Variants in TAT observed in about 807,000 individuals in gnomAD.
TAT encodes L-tyrosine:2-oxoglutarate aminotransferase.
In TAT, 35 loss-of-function variants were observed where a neutral mutation model predicts 53.6. The ratio of observed to expected loss-of-function variants is 0.65; its 90% CI spans 0.50 to 0.87. The LOEUF (loss-of-function observed/expected upper bound fraction) is 0.87. Ranked by LOEUF, TAT falls within the 40% of genes least tolerant of loss-of-function variation. The pLI, the probability that TAT is intolerant of heterozygous loss-of-function variation, is 0.00. For synonymous variants in TAT, 197 were observed against 206.5 expected (o/e 0.95, Z 0.39); for missense variants, 525 against 571.8 (o/e 0.92, Z 0.83).
chr16:71,568,960 A>T, intron 10 of TAT, 151 bp from the exon 11 acceptor site: 5 of 691,660 alleles, frequency 7.2e-6, no homozygotes, highest in Non-Finnish European at 1.3e-5. Flanking sequence ...TATTTATGGA[A>T]TTTTTCTCAG....
At position 71,568,816 on chromosome 16, in the gene TAT, C is replaced by T. The variant is rs748032335; in HGVS notation, c.1126-7G>A. On this transcript the variant is annotated splice_region_variant and splice_polypyrimidine_tract_variant and intron_variant, in intron 10 of 11. Coordinates refer to ENST00000355962, the MANE Select transcript of TAT (RefSeq NM_000353.3). ...GTTCCATCTCAATTCCAACCTATAC[C>T]AACAGGAGGGAGAGGCCAACTTATC... The T allele has an allele frequency of 1.9e-6, 3 of 1,611,650 alleles. No homozygotes were observed. In the South Asian group the frequency reaches 3.3e-5, roughly 18 times the overall value.
intron 4 of TAT, among the ~76,000 whole-genome samples, chr16:71,572,905 G>T (rs1255033497): frequency 2.6e-5 from 4 of 152,198 alleles, no homozygotes; most frequent in African/African-American, 4.8e-5. Flanking sequence ...GGATAGGTTG[G>T]CTGTGACTCA....
rs1010853548 is a variant in TAT at position 71,567,147 on chromosome 16, G to C, written c.*997C>G. On this transcript the variant is annotated 3_prime_UTR_variant, in exon 12 of 12. Coordinates refer to ENST00000355962, the MANE Select transcript of TAT (RefSeq NM_000353.3). ...GATGCCGCTGGGCGAGGTGGCTCAC[G>C]CCTGTAATCCCAGTACTTTAGGAGA... The C allele has an allele frequency of 1.3e-5, 2 of 152,196 alleles. No individual in the cohort carries two copies. The highest frequency in any genetic ancestry group is 1.3e-4 in the Admixed American group (2 of 15,280). 9.4% of individuals were successfully genotyped at this position (152,196 alleles called of 1,614,324 possible).
chr16:71,574,671 C>A (rs2044225180), intron 3 of TAT, among the ~76,000 whole-genome samples: 1 of 146,556 alleles, frequency 6.8e-6, no homozygotes, highest in Non-Finnish European at 1.5e-5. Flanking sequence ...ATGTAATATT[C>A]TTATCAGTAT....
In TAT at chr16:71,576,436, G is replaced by T; in HGVS notation, c.-12-9C>A. On this transcript the variant is annotated splice_polypyrimidine_tract_variant and intron_variant, in intron 1 of 11. Transcript: ENST00000355962. ...TCCATCACTAGCGAAGCCTGCGAGG[G>T]GAAAGAAGTTCCCTGTGATGTTGAT... The T allele has an allele frequency of 1.2e-6, 2 of 1,610,634 alleles. No individual in the cohort carries two copies. Among genetic ancestry groups the T allele is most frequent in the Non-Finnish European group, 1.7e-6 (2 of 1,177,040 alleles).
At chr16:71,568,882 A>G in intron 10 of TAT, 73 bp from the exon 11 acceptor site, 2 of 1,024,164 alleles carry the variant, frequency 2.0e-6, no homozygotes, top group Non-Finnish European at 1.5e-6. Flanking sequence ...GCCAGAAATT[A>G]AGGTAGGGGC....
rs1450958522 is a variant in TAT at position 71,565,963 on chromosome 16, T to A, written c.*2181A>T. ...ATCAGGAATTTAAGAAGTCTAAGAA[T>A]TCTGTAATGCTGGGTAGAATTTTCT... On this transcript the variant is annotated 3_prime_UTR_variant, in exon 12 of 12. Coordinates refer to ENST00000355962, the MANE Select transcript of TAT (RefSeq NM_000353.3). 1.3e-5 allele frequency: 2 copies of A among 152,186 alleles called. No individual in the cohort carries two copies. Among genetic ancestry groups the A allele is most frequent in the African/African-American group, 2.4e-5 (1 of 41,430 alleles). 9.4% of individuals were successfully genotyped at this position (152,186 alleles called of 1,614,324 possible).
At position 71,570,009 on chromosome 16, in the gene TAT, C is replaced by A. The variant is rs172650; in HGVS notation, c.1042-72G>T. 893,179 of 1,433,948 alleles carry A rather than the reference C, an allele frequency of 0.62. 283,841 individuals carry two copies. Among genetic ancestry groups the A allele is most frequent in the Middle Eastern group, 0.74 (4,321 of 5,824 alleles). The allele number at this position is 1,433,948 out of a possible 1,614,324, so 88.8% of individuals were successfully genotyped here. On this transcript the variant is annotated intron_variant, in intron 9 of 11. Coordinates refer to ENST00000355962, the MANE Select transcript of TAT (RefSeq NM_000353.3). ...AGAAAAGCCAAGTCATTAAAAATAG[C>A]CCCCTCATTGAAGAGTGGGAACGTA...
rs1040390607 is a variant in TAT at position 71,570,150 on chromosome 16, G to A, written c.1041+119C>T. 35 of 1,514,050 alleles carry A rather than the reference G, an allele frequency of 2.3e-5. No homozygotes were observed. In the Admixed American group the frequency reaches 2.6e-4, roughly 11 times the overall value. The allele number at this position is 1,514,050 out of a possible 1,614,324, so 93.8% of individuals were successfully genotyped here. Reference sequence around the variant, plus strand: ...AAACGTGTGTGTGGATGCTTACACCGATGCCGTCTCCTAATATTGGAACAT... The same window carrying A: ...AAACGTGTGTGTGGATGCTTACACCAATGCCGTCTCCTAATATTGGAACAT... On this transcript the variant is annotated intron_variant, in intron 9 of 11. Coordinates refer to ENST00000355962, the MANE Select transcript of TAT (RefSeq NM_000353.3).
At position 71,576,021 on chromosome 16, in the gene TAT, G is replaced by A; in HGVS notation, c.241C>T (p.Pro81Ser). 6.2e-7 allele frequency: 1 copy of A among 1,614,020 alleles called. No individual in the cohort carries two copies. The highest frequency in any genetic ancestry group is 1.1e-5 in the South Asian group (1 of 91,066). ...GTAGGCAGGTTTCCAAACACAGTAG[G>A]GTCCCCTTTTTATGGGAGGAAAACA... ...KTMISLSIGD[P>S]TVFGNLPTDP... Residue 81 changes from proline to serine, a missense_variant, in exon 3 of 12, where the codon CCT becomes TCT. By Grantham distance (74) the Pro-to-Ser change is moderately conservative. Transcript: ENST00000355962.
In TAT at chr16:71,573,545, T is replaced by G; in HGVS notation, c.402A>C (p.Glu134Asp). The G allele has an allele frequency of 6.4e-7, 1 of 1,553,818 alleles. No individual in the cohort carries two copies. The highest frequency in any genetic ancestry group is 1.2e-5 in the South Asian group (1 of 84,160). Residue 134 changes from glutamate to aspartate, a missense_variant, in exon 4 of 12, where the codon GAA becomes GAC. By Grantham distance (45) the Glu-to-Asp change is conservative. Coordinates refer to ENST00000355962, the MANE Select transcript of TAT (RefSeq NM_000353.3). ...TGTCTTGTATAAGGCTCACCTTAGC[T>G]TCTAGGGGTGCCTCAGGACAGTGGT... The part of the protein sequence containing the change: ...SYYHCPEAPL[E>D]AKDVILTSGC...
In TAT at chr16:71,569,843, C is replaced by G; in HGVS notation, c.1125+11G>C. The G allele has an allele frequency of 6.2e-7, 1 of 1,612,792 alleles. No homozygotes were observed. The highest frequency in any genetic ancestry group is 8.5e-7 in the Non-Finnish European group (1 of 1,179,442). On this transcript the variant is annotated intron_variant, in intron 10 of 11. Coordinates refer to ENST00000355962, the MANE Select transcript of TAT (RefSeq NM_000353.3). ...ATGCATTGACCTAGTGCCTGCCACC[C>G]ACATACTCACCATGAGGTACATAGC...
Position 71,570,755 on chromosome 16 carries a change from G to C in TAT, c.836C>G (p.Ala279Gly), listed in dbSNP as rs181309650. 28 of 1,614,186 alleles carry C rather than the reference G, an allele frequency of 1.7e-5. No homozygotes were observed. The African/African-American group carries it at 3.3e-4, about 19-fold the overall frequency. The change falls in exon 8 of 12, where the codon GCC becomes GGC. Residue 279 changes from alanine to glycine, a missense_variant. Coordinates refer to ENST00000355962, the MANE Select transcript of TAT (RefSeq NM_000353.3). ...DVPILSCGGL[A>G]KRWLVPGWRL... is the part of the protein sequence containing the mutation. ...CCAGCCAGGAACCAGCCAGCGCTTG[G>C]CCAGCCCTCCACAGGACAGGATGGG... is the stretch of plus-strand genomic sequence containing the variant.
chr16:71,567,858 T>C lies in TAT; in HGVS notation c.*286A>G. Reference sequence around the variant, plus strand: ...TGCTTTCTGGTAAACTTTGTTCACCTGGTACTTTCAAGAAAAAAAGAAGGA... The same window carrying C: ...TGCTTTCTGGTAAACTTTGTTCACCCGGTACTTTCAAGAAAAAAAGAAGGA... On this transcript the variant is annotated 3_prime_UTR_variant, in exon 12 of 12. Coordinates refer to ENST00000355962, the MANE Select transcript of TAT (RefSeq NM_000353.3). 4.7e-6 allele frequency: 2 copies of C among 429,120 alleles called. No homozygotes were observed. The highest frequency in any genetic ancestry group is 8.7e-6 in the Non-Finnish European group (2 of 230,186). The allele number at this position is 429,120 out of a possible 1,614,324, so 26.6% of individuals were successfully genotyped here. A position where few individuals can be genotyped will look rare whatever the true frequency, so the allele number is the denominator to read the frequency against.
rs1555537258 is a variant in TAT at position 71,565,701 on chromosome 16, G to GCACGCACACA, written c.*2442_*2443insTGTGTGCGTG. The GCACGCACACA allele has an allele frequency of 6.7e-6, 1 of 148,934 alleles. No individual in the cohort carries two copies. Among genetic ancestry groups the GCACGCACACA allele is most frequent in the African/African-American group, 2.5e-5 (1 of 39,956 alleles). The allele number at this position is 148,934 out of a possible 1,614,324, so 9.2% of individuals were successfully genotyped here. A position where few individuals can be genotyped will look rare whatever the true frequency, so the allele number is the denominator to read the frequency against. ...TACTTTATTTGAAAAAATGAAAAGT[G>GCACGCACACA]CACACACACACACACACACACACAC... On this transcript the variant is annotated 3_prime_UTR_variant, in exon 12 of 12. Coordinates refer to ENST00000355962, the MANE Select transcript of TAT (RefSeq NM_000353.3).
rs1336664925 is a variant in TAT, at chr16:71,567,769, G to A, written c.*375C>T. 2.5e-5 allele frequency: 8 copies of A among 319,032 alleles called. No individual in the cohort carries two copies. Among genetic ancestry groups the A allele is most frequent in the African/African-American group, 4.3e-5 (2 of 46,348 alleles). 19.8% of individuals were successfully genotyped at this position (319,032 alleles called of 1,614,324 possible). A position where few individuals can be genotyped will look rare whatever the true frequency, so the allele number is the denominator to read the frequency against. ...TCTTAGAGTCTGAGGAAATGGTTGG[G>A]GGCACAAATTCTCTCAATCTTTTTC... On this transcript the variant is annotated 3_prime_UTR_variant, in exon 12 of 12. Transcript: ENST00000355962.
intron 10 of TAT, 132 bp downstream of exon 10, chr16:71,569,722 C>A: frequency 1.2e-6 from 1 of 827,684 alleles, no homozygotes; most frequent in Non-Finnish European, 2.0e-6. Flanking sequence ...AAGACAACTC[C>A]TAAACTGCTT....
rs373640031 is a variant in TAT, at chr16:71,573,533, G to A, written c.408+6C>T. 1.3e-6 allele frequency: 2 copies of A among 1,552,452 alleles called. No individual in the cohort carries two copies. The highest frequency in any genetic ancestry group is 1.4e-5 in the African/African-American group (1 of 73,090). On this transcript the variant is annotated splice_donor_region_variant and intron_variant, in intron 4 of 11. Transcript: ENST00000355962. ...CTTCAGAGCTGGTGTCTTGTATAAGGCTCACCTTAGCTTCTAGGGGTGCCT... is the reference window on the plus strand; with the variant it reads ...CTTCAGAGCTGGTGTCTTGTATAAGACTCACCTTAGCTTCTAGGGGTGCCT...
rs1449375810 is a variant in TAT, at chr16:71,566,548, G to T, written c.*1596C>A. The T allele has an allele frequency of 6.6e-6, 1 of 151,432 alleles. No homozygotes were observed. Among genetic ancestry groups the T allele is most frequent in the Non-Finnish European group, 1.5e-5 (1 of 67,962 alleles). The allele number at this position is 151,432 out of a possible 1,614,324, so 9.4% of individuals were successfully genotyped here. ...CCAGAGCCATCAACTTTGTGACCTA[G>T]TGAGTGGTTAGTGGATATAGGCAAG... On this transcript the variant is annotated 3_prime_UTR_variant, in exon 12 of 12. Coordinates refer to ENST00000355962, the MANE Select transcript of TAT (RefSeq NM_000353.3).
Sources: gnomAD v4.1 joint callset for allele counts (sites outside exome capture counted in the v4.1 genomes callset) on GRCh38, gnomAD v4.1.1 for gene constraint, MANE v1.5 for transcripts, NCBI Gene and HGNC (gene_info 2026-07-23, HGNC 2026-07-21) for gene names.